The following ZP2 variants were observed in gnomAD, a reference collection of about 807,000 sequenced individuals.
ZP2 encodes zona pellucida sperm-binding protein 2.
Under a neutral mutation model 84.0 loss-of-function variants are expected in ZP2, and 51 were observed. The observed-to-expected ratio is 0.61, with a 90% CI of 0.49 to 0.77. The LOEUF (loss-of-function observed/expected upper bound fraction) is 0.77, where lower values mean the gene tolerates loss of function less well. Among genes scored for constraint, ZP2 ranks in the 30% least tolerant of loss-of-function variants. The pLI is 0.00. For missense variants in ZP2, 909 were observed against 911.9 expected (o/e 1.00, Z 0.04); for synonymous variants, 375 against 330.9 (o/e 1.13, Z -1.45).
intron 10 of ZP2, among the ~76,000 whole-genome samples, chr16:21,202,730 A>G (rs959548639): frequency 6.6e-6 from 1 of 152,012 alleles, no homozygotes; most frequent in Non-Finnish European, 1.5e-5. Context: ...TGCAGATCAC[A>G]TTAAACAGAA....
intron 4 of ZP2, among the ~76,000 whole-genome samples, chr16:21,208,627 T>C (rs1245128205): frequency 6.6e-6 from 1 of 152,242 alleles, no homozygotes; most frequent in Non-Finnish European, 1.5e-5. Flanking sequence ...CTAATATTCC[T>C]GATTGGGCAA....
At chr16:21,205,190 A>G (rs1003322252) in intron 7 of ZP2, among the ~76,000 whole-genome samples, 4 of 152,156 alleles carry the variant, frequency 2.6e-5, no homozygotes, top group African/African-American at 7.2e-5. Flanking sequence ...CACTAAACAG[A>G]CAGGGTTGGC....
rs372562776 is a variant in ZP2, at chr16:21,203,303, C to G, written c.973-52G>C. 1.4e-4 allele frequency: 226 copies of G among 1,604,218 alleles called. 1 individual carries two copies. Among genetic ancestry groups the G allele is most frequent in the East Asian group, 4.5e-4 (20 of 44,532 alleles). ...GCCACAGTCCGTTGGGGCCCGGAAC[C>G]GTCACAGGGAGGCAGGAAGCAAGTC... On this transcript the variant is annotated intron_variant, in intron 9 of 18. Coordinates refer to ENST00000574091, the MANE Select transcript of ZP2 (RefSeq NM_001376232.1).
At chr16:21,213,783 A>T (rs1567219213), upstream of ZP2, among the ~76,000 whole-genome samples, 1 of 152,146 alleles carries the variant, frequency 6.6e-6, no homozygotes, top group Non-Finnish European at 1.5e-5. Flanking sequence ...AAAGGATTTC[A>T]TTTTATAGCC....
chr16:21,209,854 G>A (rs893396620), intron 3 of ZP2, 129 bp from the exon 4 acceptor site: 10 of 818,950 alleles, frequency 1.2e-5, no homozygotes, highest in Non-Finnish European at 2.0e-5. Flanking sequence ...CCAACTCAGT[G>A]ATAGAACTTG....
chr16:21,202,897 ATTGT>A (rs1472464921), intron 10 of ZP2, among the ~76,000 whole-genome samples: 3 of 152,316 alleles, frequency 2.0e-5, no homozygotes, highest in East Asian at 1.9e-4. Context: ...AAATATCTAG[ATTGT>A]TTAACCATGG....
At chr16:21,203,921 G>T (rs912241660) in intron 9 of ZP2, 109 bp downstream of exon 9, 1 of 1,191,614 alleles carries the variant, frequency 8.4e-7, no homozygotes, top group Non-Finnish European at 1.2e-6. Flanking sequence ...AATCTGTTAT[G>T]TTGGCAATTA....
At chr16:21,206,238 C>T (rs996522051) in intron 5 of ZP2, among the ~76,000 whole-genome samples, 1 of 152,144 alleles carries the variant, frequency 6.6e-6, no homozygotes, top group African/African-American at 2.4e-5. Flanking sequence ...CTCAGGTGAT[C>T]CACCTACCTC....
intron 18 of ZP2, 51 bp from the exon 19 acceptor site, chr16:21,197,673 G>T (rs767074864): frequency 6.2e-7 from 1 of 1,612,910 alleles, no homozygotes; most frequent in South Asian, 1.1e-5. Context: ...ATAAGGGTAA[G>T]TGGAAGCCTT....
At chr16:21,211,263 C>T (rs769173280) in intron 2 of ZP2, 44 bp downstream of exon 2, 4 of 1,582,550 alleles carry the variant, frequency 2.5e-6, no homozygotes, top group African/African-American at 1.4e-5. Flanking sequence ...CAGCTGCAAC[C>T]TGTTTTCTCT....
At chr16:21,211,976 G>A (rs1414273781), upstream of ZP2, among the ~76,000 whole-genome samples, 3 of 149,726 alleles carry the variant, frequency 2.0e-5, no homozygotes, top group South Asian at 6.3e-4. Context: ...CACCCAGGCT[G>A]GAGTGCACTG....
At chr16:21,213,693 G>A (rs1348067600), upstream of ZP2, among the ~76,000 whole-genome samples, 3 of 152,144 alleles carry the variant, frequency 2.0e-5, no homozygotes, top group Non-Finnish European at 2.9e-5. Flanking sequence ...ACCTCCTTAC[G>A]GGAATTGAGT....
Position 21,205,552 on chromosome 16 carries a change from C to T in ZP2, c.561G>A (p.Glu187=). Residue 187 remains glutamate (E), a synonymous_variant, in exon 7 of 19, where the codon GAG becomes GAA. Coordinates refer to ENST00000574091, the MANE Select transcript of ZP2 (RefSeq NM_001376232.1). ...GTKVQMGWSI[E]VGDGARAKTL... ...TTTTGGCTCTTGCACCATCACCAAC[C>T]TCAATGCTCCATCCCATCTGAACTT... 1 of 1,614,108 alleles carries T rather than the reference C, an allele frequency of 6.2e-7. No individual in the cohort carries two copies. Among genetic ancestry groups the T allele is most frequent in the Non-Finnish European group, 8.5e-7 (1 of 1,180,006 alleles).
chr16:21,214,421 T>C (rs1485418937), upstream of ZP2: 1 of 241,840 alleles, frequency 4.1e-6, no homozygotes, highest in East Asian at 1.8e-4. Context: ...ACTAAAGTTA[T>C]TACAAAAATG....
intron 5 of ZP2, 105 bp from the exon 6 acceptor site, chr16:21,205,880 G>T: frequency 9.2e-7 from 1 of 1,088,650 alleles, no homozygotes; most frequent in Non-Finnish European, 1.4e-6. Flanking sequence ...GCCTGCTGTG[G>T]GATGCAGTGG....
At chr16:21,211,443 C>T (rs1407156192) in intron 1 of ZP2, 43 bp downstream of exon 1, 1 of 1,614,060 alleles carries the variant, frequency 6.2e-7, no homozygotes, top group Non-Finnish European at 8.5e-7. Flanking sequence ...CTTTAACAAA[C>T]AAAGCTACCA....
chr16:21,202,066 A>G, intron 11 of ZP2, 38 bp downstream of exon 11: 3 of 1,613,684 alleles, frequency 1.9e-6, no homozygotes, highest in Non-Finnish European at 1.7e-6. Context: ...GTTATGTCAA[A>G]GATGAGACTT....
At chr16:21,210,333 C>G (rs1597591349) in intron 2 of ZP2, 141 bp from the exon 3 acceptor site, 1 of 660,702 alleles carries the variant, frequency 1.5e-6, no homozygotes, top group Non-Finnish European at 2.7e-6. Context: ...AGCTCACAAA[C>G]AAGTGACCAA....
At position 21,197,589 on chromosome 16, in the gene ZP2, C is replaced by T. The variant is rs780248419; in HGVS notation, c.2129G>A (p.Gly710Glu). 6.2e-7 allele frequency: 1 copy of T among 1,614,200 alleles called. No individual in the cohort carries two copies. The highest frequency in any genetic ancestry group is 1.7e-5 in the Admixed American group (1 of 60,022). Residue 710 changes from glycine (G) to glutamate (E), a missense_variant, in exon 19 of 19, where the codon GGA becomes GAA. Gly to Glu is a moderately conservative substitution (Grantham distance 98, BLOSUM62 -2). Transcript: ENST00000574091. ...AGCCACAGCTTTGGAACCAACATCT[C>T]CAGCAGTCTTGTGCCCTTTGGTGTC... ...AMDTKGHKTA[G>E]DVGSKAVAAV...
Sources: gnomAD v4.1 joint callset for allele counts (sites outside exome capture counted in the v4.1 genomes callset) on GRCh38, gnomAD v4.1.1 for gene constraint, MANE v1.5 for transcripts, NCBI Gene and HGNC (gene_info 2026-07-23, HGNC 2026-07-21) for gene names.